Variants in LRRC7 observed in about 807,000 individuals in gnomAD.
LRRC7 encodes leucine rich repeat containing 7, also known as leucine-rich repeat-containing protein 7.
In LRRC7, 23 loss-of-function variants were observed where a neutral mutation model predicts 175.7. That is an observed-to-expected ratio of 0.13 (90% CI 0.09 to 0.19). The LOEUF (loss-of-function observed/expected upper bound fraction) is 0.19, where lower values mean the gene tolerates loss of function less well. LRRC7 is among the 10% of genes least tolerant of loss of function. The pLI, the probability that LRRC7 is intolerant of heterozygous loss-of-function variation, is 1.00. For missense variants in LRRC7, 1,354 were observed against 1,904.7 expected (o/e 0.71, Z 5.38); for synonymous variants, 685 against 680.9 (o/e 1.01, Z -0.09).
intron 7 of LRRC7, chr1:69,873,479 CAG>C (rs1229713450): frequency 2.6e-5 from 14 of 532,980 alleles, no homozygotes; most frequent in Non-Finnish European, 3.8e-6. Flanking sequence ...TCTGAAGATC[CAG>C]AGTGTGCCCC....
intron 23 of LRRC7, among the ~76,000 whole-genome samples, chr1:70,066,431 C>T (rs181496329): frequency 1.6e-4 from 24 of 152,038 alleles, no homozygotes; most frequent in Admixed American, 1.5e-3. Context: ...CTATAACCCC[C>T]TTCATTTATT....
chr1:69,820,711 A>G (rs11209550), intron 4 of LRRC7, among the ~76,000 whole-genome samples: 9,843 of 151,570 alleles, frequency 0.065, 440 homozygotes, highest in East Asian at 0.22. Context: ...TTATAGATGC[A>G]TAGTATTCCA....
intron 1 of LRRC7, among the ~76,000 whole-genome samples, chr1:69,637,145 A>G (rs1653516471): frequency 6.6e-6 from 1 of 150,640 alleles, no homozygotes; most frequent in South Asian, 2.1e-4. Context: ...AGGTGGGTTA[A>G]CTAAACACCT....
rs116370028 is a variant in LRRC7 at position 70,063,388 on chromosome 1, A to G, written c.4230+10243A>G. 8.5e-3 allele frequency among the ~76,000 whole-genome samples: 1,301 copies of G among 152,224 alleles called. 12 individuals carry two copies. Among genetic ancestry groups the G allele is most frequent in the African/African-American group, 0.03 (1,227 of 41,568 alleles). ...AAAAATGCAGAATTAATCCAATGCC[A>G]TAAAAATGTTCCGGGTTGAATATGT... On this transcript the variant is annotated intron_variant, in intron 23 of 26. Transcript: ENST00000651989.
intron 7 of LRRC7, among the ~76,000 whole-genome samples, chr1:69,926,910 C>A (rs1049072850): frequency 6.6e-6 from 1 of 152,140 alleles, no homozygotes; most frequent in Non-Finnish European, 1.5e-5. Context: ...CCTCAATGGT[C>A]TTTACATTTT....
intron 7 of LRRC7, among the ~76,000 whole-genome samples, chr1:69,876,617 C>T (rs1437036441): frequency 6.6e-6 from 1 of 152,192 alleles, no homozygotes; most frequent in Middle Eastern, 3.2e-3. Flanking sequence ...AACCCTCACA[C>T]ACGTACAACT....
chr1:69,632,329 C>G (rs2100383212), intron 1 of LRRC7, among the ~76,000 whole-genome samples: 1 of 152,258 alleles, frequency 6.6e-6, no homozygotes, highest in East Asian at 1.9e-4. Context: ...TCCTCAGCAC[C>G]TAGCACAATA....
intron 3 of LRRC7, among the ~76,000 whole-genome samples, chr1:69,783,385 T>A (rs1674000931): frequency 6.6e-6 from 1 of 152,124 alleles, no homozygotes; most frequent in Non-Finnish European, 1.5e-5. Flanking sequence ...GTCCAGAAAC[T>A]AACCCACACT....
intron 7 of LRRC7, among the ~76,000 whole-genome samples, chr1:69,868,640 A>G (rs949108057): frequency 8.5e-5 from 13 of 152,082 alleles, no homozygotes; most frequent in Admixed American, 1.3e-4. Context: ...ATTATATCCT[A>G]TGTGCTCTGG....
intron 25 of LRRC7, among the ~76,000 whole-genome samples, chr1:70,090,471 C>T (rs1663944722): frequency 6.6e-6 from 1 of 152,058 alleles, no homozygotes; most frequent in South Asian, 2.1e-4. Flanking sequence ...TGCCTCTGCT[C>T]ACATGTGACC....
chr1:69,822,543 C>A (rs1024286776), intron 4 of LRRC7, among the ~76,000 whole-genome samples: 2 of 152,174 alleles, frequency 1.3e-5, no homozygotes, highest in African/African-American at 4.8e-5. Flanking sequence ...TAGCCTTTCC[C>A]AGCCACTCAG....
intron 2 of LRRC7, among the ~76,000 whole-genome samples, chr1:69,681,623 C>T (rs1660503367): frequency 6.6e-6 from 1 of 152,000 alleles, no homozygotes; most frequent in Non-Finnish European, 1.5e-5. Context: ...TAAGGTATTC[C>T]CCATTAAAAT....
Position 69,814,660 on chromosome 1 carries a change from T to C in LRRC7, c.422-11088T>C, listed in dbSNP as rs190600102. On this transcript the variant is annotated intron_variant, in intron 4 of 26. Transcript: ENST00000651989. ...CCACTACACTTTTAACTACTACTAT[T>C]TCTCTGTGTTTGGGTTGAACTCCTA... is the stretch of plus-strand genomic sequence containing the variant. Among the ~76,000 whole-genome samples the C allele has an allele frequency of 1.4e-4, 21 of 152,278 alleles. No individual in the cohort carries two copies. The East Asian group carries it at 4.1e-3, about 29-fold the overall frequency.
intron 2 of LRRC7, among the ~76,000 whole-genome samples, chr1:69,759,439 G>A: frequency 6.6e-6 from 1 of 152,028 alleles, no homozygotes; most frequent in East Asian, 1.9e-4. Context: ...CATGGCATTT[G>A]GTCAGTTTAA....
At chr1:69,932,820 T>C (rs546829607) in intron 8 of LRRC7, among the ~76,000 whole-genome samples, 2 of 152,344 alleles carry the variant, frequency 1.3e-5, no homozygotes, top group East Asian at 1.9e-4. Flanking sequence ...CAATAAGGAC[T>C]CTCTGGCCTC....
intron 2 of LRRC7, among the ~76,000 whole-genome samples, chr1:69,721,502 G>A (rs766235416): frequency 1.6e-4 from 24 of 151,612 alleles, no homozygotes; most frequent in Admixed American, 5.3e-4. Flanking sequence ...TTAGTAATAC[G>A]CATTTAGGTT....
chr1:69,889,452 AT>A (rs1269854754), intron 7 of LRRC7, among the ~76,000 whole-genome samples: 1 of 152,140 alleles, frequency 6.6e-6, no homozygotes, highest in Non-Finnish European at 1.5e-5. Flanking sequence ...AATATTCTGA[AT>A]TCTTTCTTGT....
At chr1:69,601,231 A>ATATGTGTG (rs1485932958) in intron 1 of LRRC7, among the ~76,000 whole-genome samples, 1 of 152,198 alleles carries the variant, frequency 6.6e-6, no homozygotes, top group Admixed American at 6.6e-5. Flanking sequence ...GCAAGGAAAT[A>ATATGTGTG]TATGTGTGTA....
chr1:70,074,217 A>G lies in LRRC7; in HGVS notation c.4231-1860A>G, dbSNP rs1334818604. Among the ~76,000 whole-genome samples, 8 of 152,194 alleles carry G rather than the reference A, an allele frequency of 5.3e-5. 1 individual carries two copies. The South Asian group carries it at 1.5e-3, about 28-fold the overall frequency. On this transcript the variant is annotated intron_variant, in intron 23 of 26. Coordinates refer to ENST00000651989, the MANE Select transcript of LRRC7 (RefSeq NM_001370785.2). ...GACTCCATTGCCAAAAAAAAAAAAA[A>G]AATACATCCGATCAAAATGTGATAC...
Sources: allele counts gnomAD v4.1 joint callset (sites outside exome capture counted in the v4.1 genomes callset), GRCh38; gene constraint gnomAD v4.1.1; transcripts MANE v1.5; gene names NCBI Gene and HGNC (gene_info 2026-07-23, HGNC 2026-07-21).